Variants in ACOT7 observed in about 807,000 individuals in gnomAD.
ACOT7 encodes acyl-CoA thioesterase 7.
In ACOT7, 12 loss-of-function variants were observed where a neutral mutation model predicts 40.2. The observed-to-expected ratio is 0.30, with a 90% confidence interval of 0.19 to 0.48. The LOEUF is 0.48. ACOT7 is among the 20% of genes least tolerant of loss of function. The pLI is 0.99. For missense variants in ACOT7, 395 were observed against 530.8 expected, an observed-to-expected ratio of 0.74 and a Z score of 2.51; for synonymous variants, 228 against 219.5, an observed-to-expected ratio of 1.04 and a Z score of -0.34.
chr1:6,345,622 G>A (rs1198699537), intron 2 of ACOT7, among the ~76,000 whole-genome samples: 20 of 152,340 alleles, frequency 1.3e-4, no homozygotes, highest in Non-Finnish European at 2.2e-4. Context: ...CGTCAAGTGC[G>A]TGGACCATGC....
intron 1 of ACOT7, among the ~76,000 whole-genome samples, chr1:6,354,092 G>GTGGCA (rs1317321611): frequency 6.6e-6 from 1 of 152,190 alleles, no homozygotes. Context: ...TGTAGCATGA[G>GTGGCA]TGGCAGGTGC....
chr1:6,327,484 C>T (rs1037462976), intron 4 of ACOT7, 71 bp from the exon 5 acceptor site: 137 of 1,415,628 alleles, frequency 9.7e-5, no homozygotes, highest in Non-Finnish European at 1.3e-4. Flanking sequence ...CGGCCATGAT[C>T]CCAGGCCCTT....
chr1:6,348,267 C>T (rs1641489126), intron 2 of ACOT7, among the ~76,000 whole-genome samples: 1 of 152,318 alleles, frequency 6.6e-6, no homozygotes, highest in Middle Eastern at 3.4e-3. Context: ...CCCACATCCA[C>T]GTCCAACCAT....
Position 6,294,765 on chromosome 1 carries a change from G to A in ACOT7, c.829+99C>T. ...CTGTGGCAGATGGGCACACACCAAG[G>A]CCCACATGACCCTGGGTGTGAACAG... On this transcript the variant is annotated intron_variant, in intron 7 of 8. Coordinates refer to ENST00000361521, the MANE Select transcript of ACOT7 (RefSeq NM_007274.4). This position sits in a 1 kb window ranked among gnomAD's most constrained non-coding sequence, Gnocchi z 4.6. 1 of 875,238 alleles carries A rather than the reference G, an allele frequency of 1.1e-6. No individual in the cohort carries two copies. The highest frequency in any genetic ancestry group is 2.0e-5 in the Admixed American group (1 of 50,166). The allele number at this position is 875,238 out of a possible 1,614,324, so 54.2% of individuals were successfully genotyped here.
At chr1:6,297,157 G>A (rs1039453274) in intron 6 of ACOT7, among the ~76,000 whole-genome samples, 2 of 151,896 alleles carry the variant, frequency 1.3e-5, no homozygotes, top group South Asian at 2.1e-4. Context: ...TCCTGCCTCC[G>A]CCTCCTAGTA....
Position 6,338,983 on chromosome 1 carries a change from G to C in ACOT7, c.418+450C>G, listed in dbSNP as rs772212699. 1.5e-4 allele frequency among the ~76,000 whole-genome samples: 23 copies of C among 152,186 alleles called. No individual in the cohort carries two copies. Among genetic ancestry groups the C allele is most frequent in the Non-Finnish European group, 2.9e-4 (20 of 68,032 alleles). On this transcript the variant is annotated intron_variant, in intron 3 of 8. Coordinates refer to ENST00000361521, the MANE Select transcript of ACOT7 (RefSeq NM_007274.4). This position sits in a 1 kb window ranked among gnomAD's most constrained non-coding sequence, Gnocchi z 4.4. ...AGGTTCACCCAGTGAGCTTCCATCT[G>C]AGCCTGGTTTCTGGGGCTCCCAGGA...
At chr1:6,381,440 T>C (rs898367703) in intron 1 of ACOT7, among the ~76,000 whole-genome samples, 1 of 151,642 alleles carries the variant, frequency 6.6e-6, no homozygotes, top group Admixed American at 6.6e-5. Flanking sequence ...ACATTCAACA[T>C]CACTAAACAT....
At position 6,305,046 on chromosome 1, in the gene ACOT7, A is replaced by G. The variant is rs76614232; in HGVS notation, c.713-10066T>C. Reference sequence around the variant, plus strand: ...GCGCTGACCCCCCCGCCTCCCTCCCAGATGGGGCGGCTGGCCGGGCGGGGG... The same window carrying G: ...GCGCTGACCCCCCCGCCTCCCTCCCGGATGGGGCGGCTGGCCGGGCGGGGG... On this transcript the variant is annotated intron_variant, in intron 6 of 8. Transcript: ENST00000361521. Among the ~76,000 whole-genome samples the G allele has an allele frequency of 1.4e-4, 19 of 139,712 alleles. No homozygotes were observed. The East Asian group carries it at 3.2e-3, about 24-fold the overall frequency. 91.7% of individuals were successfully genotyped at this position (139,712 alleles called of 152,430 possible). A position where few individuals can be genotyped will look rare whatever the true frequency, so the allele number is the denominator to read the frequency against.
chr1:6,365,007 G>A (rs1022160035), intron 1 of ACOT7, among the ~76,000 whole-genome samples: 8 of 151,208 alleles, frequency 5.3e-5, no homozygotes, highest in African/African-American at 2.0e-4. Flanking sequence ...TGAGCAACAA[G>A]AGTGAGACTC....
intron 6 of ACOT7, among the ~76,000 whole-genome samples, chr1:6,314,499 C>T (rs780807307): frequency 6.6e-6 from 1 of 151,946 alleles, no homozygotes; most frequent in African/African-American, 2.4e-5. Flanking sequence ...TTGAACAGGG[C>T]TACCGGCTGA....
chr1:6,361,400 C>T (rs531365811), intron 1 of ACOT7, among the ~76,000 whole-genome samples: 26 of 152,280 alleles, frequency 1.7e-4, no homozygotes, highest in African/African-American at 5.8e-4. Flanking sequence ...GGAATTAAAT[C>T]GTGCTGGTGG....
intron 7 of ACOT7, among the ~76,000 whole-genome samples, chr1:6,286,347 G>C (rs1415820760): frequency 6.6e-6 from 1 of 152,206 alleles, no homozygotes; most frequent in Non-Finnish European, 1.5e-5. Flanking sequence ...GGGAGCGCCT[G>C]GTCCTCTCTG....
At chr1:6,341,501 G>A (rs969260040) in intron 2 of ACOT7, among the ~76,000 whole-genome samples, 4 of 152,214 alleles carry the variant, frequency 2.6e-5, no homozygotes, top group Non-Finnish European at 5.9e-5. Flanking sequence ...CCAGCACTTC[G>A]GGAGGCCAAG....
intron 1 of ACOT7, among the ~76,000 whole-genome samples, chr1:6,368,707 C>T (rs1281731329): frequency 1.3e-5 from 2 of 152,174 alleles, no homozygotes; most frequent in East Asian, 1.9e-4. Context: ...GGGTCTGGAG[C>T]GGCAAGGCTC....
At chr1:6,295,033 T>C (rs1481410323) in intron 6 of ACOT7, 53 bp from the exon 7 acceptor site, 2 of 1,410,910 alleles carry the variant, frequency 1.4e-6, no homozygotes, top group Non-Finnish European at 2.0e-6. Flanking sequence ...AGGAGATTAT[T>C]TCACACCCTG....
intron 2 of ACOT7, among the ~76,000 whole-genome samples, chr1:6,348,365 G>A (rs1437739109): frequency 2.0e-5 from 3 of 151,654 alleles, no homozygotes; most frequent in Non-Finnish European, 4.4e-5. Context: ...CACACACACA[G>A]CTTCCACTCC....
intron 6 of ACOT7, among the ~76,000 whole-genome samples, chr1:6,312,006 T>C (rs916242628): frequency 1.3e-5 from 2 of 152,122 alleles, no homozygotes; most frequent in Non-Finnish European, 2.9e-5. Context: ...ATCCAACCTC[T>C]CAGGGGAGGC....
chr1:6,371,044 C>T (rs544815555), intron 1 of ACOT7, among the ~76,000 whole-genome samples: 12 of 151,676 alleles, frequency 7.9e-5, no homozygotes, highest in African/African-American at 2.2e-4. Context: ...CTCCTGACCT[C>T]GTGATCCACT....
At chr1:6,327,965 G>C (rs953421235) in intron 4 of ACOT7, among the ~76,000 whole-genome samples, 2 of 151,990 alleles carry the variant, frequency 1.3e-5, no homozygotes, top group Non-Finnish European at 2.9e-5. Flanking sequence ...GTAGAGATGG[G>C]GTTTCACGAT....
Sources: allele counts gnomAD v4.1 joint callset (sites outside exome capture counted in the v4.1 genomes callset), GRCh38; gene constraint gnomAD v4.1.1; non-coding constraint Gnocchi (gnomAD v3.1); transcripts MANE v1.5; gene names NCBI Gene and HGNC (gene_info 2026-07-23, HGNC 2026-07-21).